Variants in STAU2 observed in about 807,000 individuals in gnomAD.
The protein encoded by STAU2 is double-stranded RNA-binding protein Staufen homolog 2.
In STAU2, 20 loss-of-function variants were observed where a neutral mutation model predicts 65.9. That is an observed-to-expected ratio of 0.30 (90% CI 0.21 to 0.44). The LOEUF (loss-of-function observed/expected upper bound fraction) is 0.44, where lower values mean the gene tolerates loss of function less well. Among genes scored for constraint, STAU2 ranks in the 20% least tolerant of loss-of-function variants. The probability of loss-of-function intolerance (pLI) is 1.00; values close to 1 mark genes in which losing one functional copy is unlikely to be tolerated. For missense variants in STAU2, 558 were observed against 683.9 expected (o/e 0.82, Z 2.05); for synonymous variants, 232 against 233.9 (o/e 0.99, Z 0.07).
intron 1 of STAU2, 79 bp from the exon 2 acceptor site, chr8:73,739,947 T>C: frequency 7.4e-6 from 5 of 679,186 alleles, no homozygotes; most frequent in Non-Finnish European, 1.3e-5. Context: ...TGTCACCTTC[T>C]CTCACTCATT....
At chr8:73,605,856 CACACACACACACACACACACAT>C (rs1354156556) in intron 9 of STAU2, among the ~76,000 whole-genome samples, 25 of 74,870 alleles carry the variant, frequency 3.3e-4, no homozygotes, top group East Asian at 1.2e-3. Flanking sequence ...CACACACACA[CACACACACACACACACACACAT>C]ACACACACAC....
intron 12 of STAU2, among the ~76,000 whole-genome samples, chr8:73,554,105 T>C (rs1187222153): frequency 6.6e-6 from 1 of 152,208 alleles, no homozygotes; most frequent in African/African-American, 2.4e-5. Context: ...TAATCCACTT[T>C]CTTTGTTCTT....
intron 11 of STAU2, among the ~76,000 whole-genome samples, chr8:73,593,181 T>C (rs1055970485): frequency 2.0e-5 from 3 of 152,198 alleles, no homozygotes; most frequent in African/African-American, 7.2e-5. Flanking sequence ...TAAACAACTC[T>C]GGTTGCCTCC....
intron 13 of STAU2, 126 bp from the exon 14 acceptor site, chr8:73,422,828 A>G (rs1816485854): frequency 1.7e-6 from 1 of 599,618 alleles, no homozygotes; most frequent in Non-Finnish European, 2.6e-6. Context: ...TGCATTGTTT[A>G]ACAAAAGTAC....
intron 4 of STAU2, among the ~76,000 whole-genome samples, chr8:73,704,224 T>C (rs1820333304): frequency 6.6e-6 from 1 of 152,194 alleles, no homozygotes; most frequent in Admixed American, 6.5e-5. Flanking sequence ...GAACATTTTA[T>C]AGGACAAATT....
intron 3 of STAU2, among the ~76,000 whole-genome samples, chr8:73,731,811 C>T (rs1470320463): frequency 6.6e-6 from 1 of 151,944 alleles, no homozygotes; most frequent in African/African-American, 2.4e-5. Flanking sequence ...CGGTGGTGCA[C>T]GTCTGTAGTC....
chr8:73,673,132 T>A lies in STAU2; in HGVS notation c.385A>T (p.Asn129Tyr). ...CTCTGATTGTACATGCCCCGAAAGTTGTAATTAGCTCTATAATTTGGGAAT... is the reference window on the plus strand; with the variant it reads ...CTCTGATTGTACATGCCCCGAAAGTAGTAATTAGCTCTATAATTTGGGAAT... ...KPFPNYRANY[N>Y]FRGMYNQRYH... Residue 129 changes from asparagine (N) to tyrosine (Y), a missense_variant, in exon 6 of 15, where the codon AAC becomes TAC. This residue lies in a region of STAU2 where 199 missense variants were observed against 299.5 expected (regional missense o/e 0.66). Transcript: ENST00000524300. 1 of 1,593,616 alleles carries A rather than the reference T, an allele frequency of 6.3e-7. No individual in the cohort carries two copies. The highest frequency in any genetic ancestry group is 8.5e-7 in the Non-Finnish European group (1 of 1,170,176).
chr8:73,469,827 GAC>G (rs1819882495), intron 13 of STAU2, among the ~76,000 whole-genome samples: 2 of 152,320 alleles, frequency 1.3e-5, no homozygotes, highest in East Asian at 3.9e-4. Context: ...ACAACACTGT[GAC>G]CCAGGAAATA....
intron 13 of STAU2, among the ~76,000 whole-genome samples, chr8:73,432,399 T>C (rs1309882034): frequency 6.6e-6 from 1 of 152,232 alleles, no homozygotes; most frequent in Non-Finnish European, 1.5e-5. Flanking sequence ...TGAATCTATA[T>C]TAAATCATAA....
chr8:73,429,413 C>CTTTTTTT lies in STAU2; in HGVS notation c.1531-6718_1531-6712dup, dbSNP rs71561522. Among the ~76,000 whole-genome samples, 133 of 65,368 alleles carry CTTTTTTT rather than the reference C, an allele frequency of 2.0e-3. 53 individuals carry two copies. Among genetic ancestry groups the CTTTTTTT allele is most frequent in the Non-Finnish European group, 4.0e-3 (113 of 28,528 alleles). 42.9% of individuals were successfully genotyped at this position (65,368 alleles called of 152,430 possible). On this transcript the variant is annotated intron_variant, in intron 13 of 14. Transcript: ENST00000524300. ...AACCAATCTATATTCTTGCTCAGGTCTTTTTTTTTTTTTTTTTTTTTTTTT... is the reference window on the plus strand; with the variant it reads ...AACCAATCTATATTCTTGCTCAGGTCTTTTTTTTTTTTTTTTTTTTTTTTTTTTTTTT...
At chr8:73,530,444 G>A (rs1805738549) in intron 13 of STAU2, among the ~76,000 whole-genome samples, 1 of 152,150 alleles carries the variant, frequency 6.6e-6, no homozygotes, top group African/African-American at 2.4e-5. Context: ...GAGTACAACA[G>A]GAGGGAATCA....
At chr8:73,723,755 T>C in intron 3 of STAU2, among the ~76,000 whole-genome samples, 1 of 152,242 alleles carries the variant, frequency 6.6e-6, no homozygotes, top group Non-Finnish European at 1.5e-5. Context: ...TTTGAATACA[T>C]GGAATACAGT....
intron 13 of STAU2, among the ~76,000 whole-genome samples, chr8:73,473,550 T>G (rs1405991259): frequency 1.3e-5 from 2 of 152,144 alleles, no homozygotes; most frequent in African/African-American, 4.8e-5. Context: ...TATATGGATA[T>G]GCGATGAAGC....
chr8:73,421,480 C>T lies in STAU2; in HGVS notation c.1620-15G>A. The T allele has an allele frequency of 6.5e-7, 1 of 1,537,130 alleles. No individual in the cohort carries two copies. The stretch of plus-strand genomic sequence containing the variant: ...GCTTGGCTTGTCTGAAAGATTAATA[C>T]ATTAACAAGAGCTGAAGGCCTGGGG... On this transcript the variant is annotated splice_polypyrimidine_tract_variant and intron_variant, in intron 14 of 14. Transcript: ENST00000524300.
chr8:73,575,061 CTT>C (rs1165174469), intron 12 of STAU2, among the ~76,000 whole-genome samples: 1 of 148,610 alleles, frequency 6.7e-6, no homozygotes, highest in African/African-American at 2.5e-5. Context: ...AAAAACCAAA[CTT>C]TAAAAGAAAA....
chr8:73,547,862 T>A (rs569452508), intron 13 of STAU2, among the ~76,000 whole-genome samples: 1 of 152,030 alleles, frequency 6.6e-6, no homozygotes, highest in East Asian at 1.9e-4. Flanking sequence ...GGGCCCTCCA[T>A]ATCCATGGGC....
intron 4 of STAU2, among the ~76,000 whole-genome samples, chr8:73,700,326 T>A (rs1024555590): frequency 1.3e-5 from 2 of 151,730 alleles, no homozygotes; most frequent in Admixed American, 1.3e-4. Flanking sequence ...GCTAGAGCAA[T>A]CAGGCAAGAG....
intron 4 of STAU2, among the ~76,000 whole-genome samples, chr8:73,704,730 G>A (rs545647391): frequency 5.7e-4 from 87 of 152,188 alleles, no homozygotes; most frequent in South Asian, 1.5e-3. Context: ...GTGCAGTGGC[G>A]CGATCTCAGC....
intron 13 of STAU2, among the ~76,000 whole-genome samples, chr8:73,464,254 C>A (rs182769034): frequency 1.3e-5 from 2 of 152,018 alleles, no homozygotes; most frequent in Non-Finnish European, 2.9e-5. Flanking sequence ...TCTAAGCTCA[C>A]GTCAAGCTAG....
Sources: gnomAD v4.1 joint callset for allele counts (sites outside exome capture counted in the v4.1 genomes callset) on GRCh38, gnomAD v4.1.1 for gene constraint, gnomAD v4.1.1 regional missense constraint, MANE v1.5 for transcripts, NCBI Gene and HGNC (gene_info 2026-07-23, HGNC 2026-07-21) for gene names.